WBP1: variants seen among roughly 807,000 people sequenced by gnomAD.
WBP1 encodes WW domain binding protein 1.
Under a neutral mutation model 25.6 loss-of-function variants are expected in WBP1, and 18 were observed. That is an observed-to-expected ratio of 0.70 (90% CI 0.49 to 1.04). The LOEUF is 1.04. Ranked by LOEUF, WBP1 falls within the 50% of genes least tolerant of loss-of-function variation. The pLI is 0.00. For synonymous variants in WBP1, 122 were observed against 137.7 expected (o/e 0.89, Z 0.80); for missense variants, 330 against 352.9 (o/e 0.94, Z 0.52).
intron 1 of WBP1, chr2:74,458,968 C>G: frequency 6.4e-7 from 1 of 1,550,650 alleles, no homozygotes; most frequent in Non-Finnish European, 8.7e-7. Context: ...TATTTGTGAT[C>G]TTTTTCTATG....
intron 1 of WBP1, 156 bp downstream of exon 1, chr2:74,458,827 C>T: frequency 6.5e-7 from 1 of 1,537,070 alleles, no homozygotes; most frequent in East Asian, 2.5e-5. Context: ...AACTTTGTAA[C>T]GTAGATGCAG....
At chr2:74,458,926 T>G (rs1320834374) in intron 1 of WBP1, 1 of 1,550,810 alleles carries the variant, frequency 6.4e-7, no homozygotes, top group African/African-American at 1.4e-5. Flanking sequence ...CATAGTGAGG[T>G]CCCAGGGAGG....
intron 1 of WBP1, chr2:74,458,893 G>T (rs1226681877): frequency 1.3e-6 from 2 of 1,550,722 alleles, no homozygotes; most frequent in Non-Finnish European, 1.7e-6. Flanking sequence ...GGAAGCTTGC[G>T]GTGGCTCTCC....
intron 1 of WBP1, chr2:74,459,288 C>A: frequency 4.5e-6 from 3 of 672,120 alleles, no homozygotes; most frequent in Admixed American, 3.9e-5. Flanking sequence ...TGTCTTCTGG[C>A]TTCTGCCAAA....
At position 74,460,782 on chromosome 2, in the gene WBP1, C is replaced by A; in HGVS notation, c.*101C>A. 1 of 1,086,350 alleles carries A rather than the reference C, an allele frequency of 9.2e-7. No homozygotes were observed. The highest frequency in any genetic ancestry group is 1.3e-6 in the Non-Finnish European group (1 of 765,396). 67.3% of individuals were successfully genotyped at this position (1,086,350 alleles called of 1,614,324 possible). Reference sequence around the variant, plus strand: ...CCCTCCCTGCCTACCTAGAATCTGCCTGAAAGGGCTGGAGAGGGGCAGTAT... The same window carrying A: ...CCCTCCCTGCCTACCTAGAATCTGCATGAAAGGGCTGGAGAGGGGCAGTAT... On this transcript the variant is annotated 3_prime_UTR_variant, in exon 4 of 4. Transcript: ENST00000233615.
chr2:74,458,620 C>G lies in WBP1; in HGVS notation c.18C>G (p.Ser6Arg), dbSNP rs1486716148. Reference sequence around the variant, plus strand: ...GTGGAGGTATGGCTCGGGCCAGCAGCGGGAACGGCAGCGAGGAGGCCTGGG... The same window carrying G: ...GTGGAGGTATGGCTCGGGCCAGCAGGGGGAACGGCAGCGAGGAGGCCTGGG... MARAS[S>R]GNGSEEAWGA... The change falls in exon 1 of 4, where the codon AGC (serine) becomes AGG (arginine). Residue 6 changes from serine to arginine, a missense_variant. Transcript: ENST00000233615. 2 of 1,563,902 alleles carry G rather than the reference C, an allele frequency of 1.3e-6. No homozygotes were observed. Among genetic ancestry groups the G allele is most frequent in the Admixed American group, 3.9e-5 (2 of 51,192 alleles).
Position 74,460,561 on chromosome 2 carries a change from G to A in WBP1, c.690G>A (p.Glu230=). 36 of 1,613,610 alleles carry A rather than the reference G, an allele frequency of 2.2e-5. No homozygotes were observed. Among genetic ancestry groups the A allele is most frequent in the Non-Finnish European group, 3.1e-5 (36 of 1,179,840 alleles). Residue 230 remains glutamate, a synonymous_variant, in exon 4 of 4, where the codon GAG becomes GAA. Coordinates refer to ENST00000233615, the MANE Select transcript of WBP1 (RefSeq NM_012477.4). ...PASGEGEPVK[E]VRVSATLPDL... ...CCGGTGAGGGTGAGCCAGTCAAGGA[G>A]GTGAGGGTTAGTGCCACCCTGCCAG...
In WBP1 at chr2:74,458,568, G is replaced by A. The variant is rs1430658725; in HGVS notation, c.-35G>A. ...AGGGGCGGGGCGGCTGGCGGTAGAG[G>A]AGGCTGTGGTCCTCAGGGGGCTGTA... On this transcript the variant is annotated 5_prime_UTR_variant, in exon 1 of 4. Coordinates refer to ENST00000233615, the MANE Select transcript of WBP1 (RefSeq NM_012477.4). 2.0e-6 allele frequency: 3 copies of A among 1,534,464 alleles called. No homozygotes were observed. The African/African-American group carries it at 4.1e-5, about 21-fold the overall frequency.
chr2:74,459,165 T>C, intron 1 of WBP1: 1 of 1,521,468 alleles, frequency 6.6e-7, no homozygotes, highest in South Asian at 1.2e-5. Context: ...GGCCCAGGGG[T>C]GGAAAGATCC....
At position 74,458,462 on chromosome 2, in the gene WBP1, T is replaced by A; in HGVS notation, c.-141T>A. 1 of 1,455,192 alleles carries A rather than the reference T, an allele frequency of 6.9e-7. No individual in the cohort carries two copies. The highest frequency in any genetic ancestry group is 2.5e-5 in the East Asian group (1 of 39,982). 90.1% of individuals were successfully genotyped at this position (1,455,192 alleles called of 1,614,324 possible). A position where few individuals can be genotyped will look rare whatever the true frequency, so the allele number is the denominator to read the frequency against. ...CCTAGTTGGTGGAGTTCTGCCCGGATGGAAGCTCCGGCCGCGGAGTGATGG... is the reference window on the plus strand; with the variant it reads ...CCTAGTTGGTGGAGTTCTGCCCGGAAGGAAGCTCCGGCCGCGGAGTGATGG... On this transcript the variant is annotated 5_prime_UTR_variant, in exon 1 of 4. It removes an upstream start codon present in the reference 5' UTR. Coordinates refer to ENST00000233615, the MANE Select transcript of WBP1 (RefSeq NM_012477.4).
rs766762910 is a variant in WBP1 at position 74,460,357 on chromosome 2, C to G, written c.486C>G (p.Ser162=). 2.5e-6 allele frequency: 4 copies of G among 1,614,132 alleles called. No homozygotes were observed. Among genetic ancestry groups the G allele is most frequent in the Non-Finnish European group, 2.5e-6 (3 of 1,180,016 alleles). Residue 162 remains serine (S), a synonymous_variant, in exon 4 of 4, where the codon TCC becomes TCG. Coordinates refer to ENST00000233615, the MANE Select transcript of WBP1 (RefSeq NM_012477.4). The stretch of plus-strand genomic sequence containing the variant: ...AACAAACCTGCTGTTCCTCCTCATC[C>G]AGCTGCCCTGCCCACTTTGAAGGAA... ...SSEQTCCSSS[S]SCPAHFEGTN...
rs1416058266 is a variant in WBP1, at chr2:74,458,596, T to G, written c.-7T>G. On this transcript the variant is annotated 5_prime_UTR_variant, in exon 1 of 4. Coordinates refer to ENST00000233615, the MANE Select transcript of WBP1 (RefSeq NM_012477.4). ...GCTGTGGTCCTCAGGGGGCTGTAGG[T>G]GGAGGTATGGCTCGGGCCAGCAGCG... 9 of 1,553,986 alleles carry G rather than the reference T, an allele frequency of 5.8e-6. No individual in the cohort carries two copies. Among genetic ancestry groups the G allele is most frequent in the African/African-American group, 1.4e-5 (1 of 73,826 alleles).
chr2:74,459,192 T>G, intron 1 of WBP1: 1 of 1,495,090 alleles, frequency 6.7e-7, no homozygotes, highest in Non-Finnish European at 8.9e-7. Context: ...GGGTGGGGGG[T>G]AGTGAACCGC....
intron 1 of WBP1, 81 bp downstream of exon 1, chr2:74,458,752 G>A (rs1184716974): frequency 1.3e-6 from 2 of 1,523,812 alleles, no homozygotes; most frequent in African/African-American, 1.4e-5. Flanking sequence ...TGGGGGTGGG[G>A]GAGGAACTCA....
At position 74,460,311 on chromosome 2, in the gene WBP1, G is replaced by A. The variant is rs534766337; in HGVS notation, c.440G>A (p.Arg147His). The A allele has an allele frequency of 2.4e-5, 39 of 1,613,136 alleles. No homozygotes were observed. The Admixed American group carries it at 3.2e-4, about 13-fold the overall frequency. Reference sequence around the variant, plus strand: ...CCCCCTTATACTGTGGCCCCAGGCCGCCCCTTGACTGCTTCCAGTGAACAA... The same window carrying A: ...CCCCCTTATACTGTGGCCCCAGGCCACCCCTTGACTGCTTCCAGTGAACAA... ...PPPPYTVAPG[R>H]PLTASSEQTC... The change falls in exon 4 of 4, where the codon CGC becomes CAC. Residue 147 changes from arginine to histidine, a missense_variant. By Grantham distance (29) the Arg-to-His change is conservative (BLOSUM62 0). Transcript: ENST00000233615.
chr2:74,458,798 C>A, intron 1 of WBP1, 127 bp downstream of exon 1: 2 of 1,523,098 alleles, frequency 1.3e-6, no homozygotes, highest in Non-Finnish European at 1.8e-6. Context: ...CTAAACATGT[C>A]TCTTCCACTC....
chr2:74,459,188 G>T, intron 1 of WBP1: 2 of 1,506,522 alleles, frequency 1.3e-6, no homozygotes, highest in Non-Finnish European at 1.8e-6. Flanking sequence ...TTGCGGGTGG[G>T]GGGTAGTGAA....
At chr2:74,459,000 C>A in intron 1 of WBP1, 1 of 1,550,570 alleles carries the variant, frequency 6.4e-7, no homozygotes, top group Non-Finnish European at 8.7e-7. Flanking sequence ...ACAACAGAGT[C>A]CGGCAGCGTC....
At chr2:74,459,162 G>T in intron 1 of WBP1, 1 of 1,523,256 alleles carries the variant, frequency 6.6e-7, no homozygotes, top group South Asian at 1.2e-5. Context: ...TGAGGCCCAG[G>T]GGTGGAAAGA....
Sources: gnomAD v4.1 joint callset for allele counts on GRCh38, gnomAD v4.1.1 for gene constraint, MANE v1.5 for transcripts, NCBI Gene and HGNC (gene_info 2026-07-23, HGNC 2026-07-21) for gene names.